The following MEI4 variants were observed in gnomAD, a reference collection of about 807,000 sequenced individuals.
The protein encoded by MEI4 is meiotic double-stranded break formation protein 4.
In MEI4, 27 loss-of-function variants were observed where a neutral mutation model predicts 31.4. That is an observed-to-expected ratio of 0.86 (90% CI 0.63 to 1.19). MEI4 has a LOEUF of 1.19. Ranked by LOEUF, MEI4 falls within the 50% of genes most tolerant of loss-of-function variation. The pLI, the probability that MEI4 is intolerant of heterozygous loss-of-function variation, is 0.00. For synonymous variants in MEI4, 122 were observed against 145.4 expected, an observed-to-expected ratio of 0.84 and a Z score of 1.16; for missense variants, 329 against 398.9, an observed-to-expected ratio of 0.82 and a Z score of 1.49.
intron 2 of MEI4, among the ~76,000 whole-genome samples, chr6:77,720,578 T>C (rs1484408610): frequency 7.1e-6 from 1 of 141,734 alleles, no homozygotes; most frequent in Non-Finnish European, 1.5e-5. Context: ...CACAGACCTC[T>C]GGGATTAACT....
chr6:77,820,561 C>G lies in MEI4; in HGVS notation c.769-8370C>G, dbSNP rs373936417. On this transcript the variant is annotated intron_variant, in intron 3 of 4. Coordinates refer to ENST00000684080, the MANE Select transcript of MEI4 (RefSeq NM_001322247.2). The surrounding 1 kb of genome is among the most constrained non-coding windows in gnomAD (Gnocchi z 4.5). ...GATTACAGTCATGAGCCACTGTGCC[C>G]GGCCGGTTTTCTTTTTTAAATCCCT... is the stretch of plus-strand genomic sequence containing the variant. Among the ~76,000 whole-genome samples, 1 of 152,106 alleles carries G rather than the reference C, an allele frequency of 6.6e-6. No individual in the cohort carries two copies. Among genetic ancestry groups the G allele is most frequent in the Non-Finnish European group, 1.5e-5 (1 of 68,016 alleles).
rs1217798813 is a variant in MEI4 at position 77,847,362 on chromosome 6, CAATT to C, written c.900+18303_900+18306del. Among the ~76,000 whole-genome samples, 1 of 152,092 alleles carries C rather than the reference CAATT, an allele frequency of 6.6e-6. No individual in the cohort carries two copies. The highest frequency in any genetic ancestry group is 1.5e-5 in the Non-Finnish European group (1 of 68,030). On this transcript the variant is annotated intron_variant, in intron 4 of 4. Coordinates refer to ENST00000684080, the MANE Select transcript of MEI4 (RefSeq NM_001322247.2). The surrounding 1 kb of genome is among the most constrained non-coding windows in gnomAD (Gnocchi z 4.6). ...TTTGTCTGTGCTAGCAGTAAAATGT[CAATT>C]AAGTATGATTAATTCTTCCTTTTTT...
intron 2 of MEI4, among the ~76,000 whole-genome samples, chr6:77,694,587 T>G (rs1765966320): frequency 6.6e-6 from 1 of 152,174 alleles, no homozygotes; most frequent in African/African-American, 2.4e-5. Context: ...ACAAAGGACA[T>G]GAACTCATCA....
At chr6:77,663,712 TATTG>T (rs1266546339) in intron 1 of MEI4, among the ~76,000 whole-genome samples, 2 of 152,074 alleles carry the variant, frequency 1.3e-5, no homozygotes, top group African/African-American at 4.8e-5. Flanking sequence ...GTAGCCTCCG[TATTG>T]ATTAAGAAGG....
intron 3 of MEI4, among the ~76,000 whole-genome samples, chr6:77,771,952 A>C (rs1176471535): frequency 1.3e-5 from 2 of 151,958 alleles, no homozygotes; most frequent in Non-Finnish European, 2.9e-5. Flanking sequence ...AGTTAAGAGA[A>C]AATTATACAC....
At chr6:77,869,664 T>C (rs1465810087) in intron 4 of MEI4, among the ~76,000 whole-genome samples, 1 of 152,166 alleles carries the variant, frequency 6.6e-6, no homozygotes, top group Non-Finnish European at 1.5e-5. Context: ...TGTGATATTT[T>C]GCTATAGTGG....
chr6:77,919,343 C>T (rs1316935832), intron 4 of MEI4, among the ~76,000 whole-genome samples: 1 of 152,078 alleles, frequency 6.6e-6, no homozygotes, highest in Admixed American at 6.6e-5. Context: ...GATTAAGAAT[C>T]TCACTCAAAA....
Position 77,919,927 on chromosome 6 carries a change from C to T in MEI4, c.901-3162C>T, listed in dbSNP as rs1766663498. Among the ~76,000 whole-genome samples the T allele has an allele frequency of 2.7e-5, 4 of 148,790 alleles. No individual in the cohort carries two copies. The Admixed American group carries it at 2.7e-4, about 10-fold the overall frequency. On this transcript the variant is annotated intron_variant, in intron 4 of 4. Transcript: ENST00000684080. ...AAATGGATAAATTCCTCGACACATA[C>T]ACTCTCCCAAGACTGAACCAGGAAG...
At chr6:77,659,141 C>A (rs2127641605) in intron 1 of MEI4, among the ~76,000 whole-genome samples, 1 of 152,270 alleles carries the variant, frequency 6.6e-6, no homozygotes, top group East Asian at 1.9e-4. Flanking sequence ...GAAATGCCTG[C>A]TATTCCAGTA....
At position 77,912,265 on chromosome 6, in the gene MEI4, C is replaced by G. The variant is rs115228191; in HGVS notation, c.901-10824C>G. Among the ~76,000 whole-genome samples, 284 of 152,188 alleles carry G rather than the reference C, an allele frequency of 1.9e-3. 2 individuals carry two copies. Among genetic ancestry groups the G allele is most frequent in the African/African-American group, 6.2e-3 (258 of 41,548 alleles). On this transcript the variant is annotated intron_variant, in intron 4 of 4. Coordinates refer to ENST00000684080, the MANE Select transcript of MEI4 (RefSeq NM_001322247.2). Reference sequence around the variant, plus strand: ...ATTTTGAAGTCAGGTAGTGTGATCCCTCTAGCTTTGCTCTTTTTCCTCGGG... The same window carrying G: ...ATTTTGAAGTCAGGTAGTGTGATCCGTCTAGCTTTGCTCTTTTTCCTCGGG...
chr6:77,865,634 G>A (rs992991601), intron 4 of MEI4, among the ~76,000 whole-genome samples: 1 of 152,140 alleles, frequency 6.6e-6, no homozygotes, highest in African/African-American at 2.4e-5. Context: ...ATTCACAGCT[G>A]AGTTCTACCA....
intron 4 of MEI4, among the ~76,000 whole-genome samples, chr6:77,846,255 T>C (rs1267901358): frequency 6.6e-6 from 1 of 152,106 alleles, no homozygotes; most frequent in East Asian, 1.9e-4. Context: ...ATTGGAATTT[T>C]AATTCTTTTT....
chr6:77,695,846 A>G (rs1181851126), intron 2 of MEI4, among the ~76,000 whole-genome samples: 1 of 152,170 alleles, frequency 6.6e-6, no homozygotes, highest in African/African-American at 2.4e-5. Flanking sequence ...TCTGTAAATT[A>G]CCTTGGGCAG....
At chr6:77,815,297 A>T (rs560403516) in intron 3 of MEI4, among the ~76,000 whole-genome samples, 9 of 152,104 alleles carry the variant, frequency 5.9e-5, no homozygotes, top group Non-Finnish European at 1.3e-4. Flanking sequence ...AATATCCGAG[A>T]TCCATGTTAT....
chr6:77,785,281 A>G (rs1358153010), intron 3 of MEI4, among the ~76,000 whole-genome samples: 3 of 152,184 alleles, frequency 2.0e-5, no homozygotes, highest in African/African-American at 7.2e-5. Flanking sequence ...TCTCTGGAGT[A>G]AGAGATGATC....
At chr6:77,836,314 G>C (rs1770218334) in intron 4 of MEI4, among the ~76,000 whole-genome samples, 1 of 152,080 alleles carries the variant, frequency 6.6e-6, no homozygotes, top group Non-Finnish European at 1.5e-5. Context: ...TTGGAATATT[G>C]ATAAGCACAG....
At chr6:77,747,861 C>A (rs1195750035) in intron 2 of MEI4, among the ~76,000 whole-genome samples, 1 of 152,156 alleles carries the variant, frequency 6.6e-6, no homozygotes, top group Non-Finnish European at 1.5e-5. Context: ...TAGTTACTTC[C>A]AAGATACAAT....
At chr6:77,882,945 A>G (rs555364043) in intron 4 of MEI4, among the ~76,000 whole-genome samples, 16 of 152,284 alleles carry the variant, frequency 1.1e-4, no homozygotes, top group Admixed American at 8.5e-4. Context: ...AATGTGCTCA[A>G]TTTTTATTTT....
At chr6:77,658,024 T>C (rs1453320876) in intron 1 of MEI4, among the ~76,000 whole-genome samples, 1 of 152,234 alleles carries the variant, frequency 6.6e-6, no homozygotes, top group Non-Finnish European at 1.5e-5. Flanking sequence ...GTAGTTTTCA[T>C]GCGTGTCCGT....
Sources: allele counts gnomAD v4.1 joint callset (sites outside exome capture counted in the v4.1 genomes callset), GRCh38; gene constraint gnomAD v4.1.1; non-coding constraint Gnocchi (gnomAD v3.1); transcripts MANE v1.5; gene names NCBI Gene and HGNC (gene_info 2026-07-23, HGNC 2026-07-21).